CACNG4: variants seen among roughly 807,000 people sequenced by gnomAD.
The protein encoded by CACNG4 is voltage-dependent calcium channel gamma-4 subunit.
CACNG4 carries 8 observed loss-of-function variants against 22.9 expected under a neutral mutation model. The observed-to-expected ratio is 0.35, with a 90% CI of 0.21 to 0.63. The LOEUF is 0.63. Ranked by LOEUF, CACNG4 falls within the 30% of genes least tolerant of loss-of-function variation. The probability of loss-of-function intolerance (pLI) is 0.72; values close to 1 mark genes in which losing one functional copy is unlikely to be tolerated. For missense variants in CACNG4, 357 were observed against 455.4 expected (o/e 0.78, Z 1.97); for synonymous variants, 188 against 191.9 (o/e 0.98, Z 0.17).
chr17:66,975,456 A>T (rs1426722850), intron 1 of CACNG4, among the ~76,000 whole-genome samples: 1 of 152,220 alleles, frequency 6.6e-6, no homozygotes. Flanking sequence ...TTTGTTGTTC[A>T]GAGAGCAATT....
chr17:66,995,704 G>T (rs541838136), intron 1 of CACNG4, among the ~76,000 whole-genome samples: 2 of 152,234 alleles, frequency 1.3e-5, no homozygotes, highest in Admixed American at 1.3e-4. Flanking sequence ...ACAAAAATTA[G>T]CTGGGTGTGA....
chr17:67,005,315 A>C (rs1285756899), intron 1 of CACNG4, among the ~76,000 whole-genome samples: 1 of 152,152 alleles, frequency 6.6e-6, no homozygotes, highest in East Asian at 1.9e-4. Context: ...CCATGGGGGA[A>C]GTTCTGTGTG....
intron 1 of CACNG4, among the ~76,000 whole-genome samples, chr17:67,016,132 C>T (rs1460256096): frequency 6.6e-6 from 1 of 152,194 alleles, no homozygotes; most frequent in African/African-American, 2.4e-5. Flanking sequence ...GAGCCACCAC[C>T]ATGGGCCCGG....
rs2035511660 is a variant in CACNG4 at position 67,018,187 on chromosome 17, A to C, written c.221-2A>C. 6.2e-7 allele frequency: 1 copy of C among 1,611,844 alleles called. No individual in the cohort carries two copies. The highest frequency in any genetic ancestry group is 8.5e-7 in the Non-Finnish European group (1 of 1,178,054). On this transcript the variant is annotated splice_acceptor_variant, in intron 1 of 3. Coordinates refer to ENST00000262138, the MANE Select transcript of CACNG4 (RefSeq NM_014405.4). LOFTEE classifies it high-confidence loss of function. ...GTGTTCTTTTCCTCTCGTTCCTTCC[A>C]GGGATCTATAAAGGGCACTGCTTCC...
intron 1 of CACNG4, among the ~76,000 whole-genome samples, chr17:66,994,998 C>G (rs907048246): frequency 5.9e-5 from 9 of 152,074 alleles, no homozygotes; most frequent in African/African-American, 2.2e-4. Context: ...AAAGAAAGAT[C>G]CATCTCAGAT....
At chr17:66,967,839 G>A (rs566520950) in intron 1 of CACNG4, among the ~76,000 whole-genome samples, 5 of 152,270 alleles carry the variant, frequency 3.3e-5, no homozygotes, top group East Asian at 1.9e-4. Flanking sequence ...TGATGTTGCC[G>A]GGCCAGGAAG....
intron 1 of CACNG4, among the ~76,000 whole-genome samples, chr17:66,966,538 G>T (rs2035172264): frequency 6.6e-6 from 1 of 152,076 alleles, no homozygotes; most frequent in African/African-American, 2.4e-5. Context: ...TTTTCTGGCC[G>T]CATTTGAAGT....
At chr17:67,018,164 G>A in intron 1 of CACNG4, 25 bp from the exon 2 acceptor site, 1 of 1,576,894 alleles carries the variant, frequency 6.3e-7, no homozygotes, top group Non-Finnish European at 8.7e-7. Flanking sequence ...CATTTACAGT[G>A]TTCTTTTCCT....
intron 1 of CACNG4, among the ~76,000 whole-genome samples, chr17:66,982,308 C>T (rs908192662): frequency 4.6e-5 from 7 of 152,234 alleles, no homozygotes; most frequent in African/African-American, 1.7e-4. Flanking sequence ...TTGATTGGTT[C>T]GTTTTACAGA....
At chr17:67,017,033 A>G (rs928942205) in intron 1 of CACNG4, among the ~76,000 whole-genome samples, 3 of 152,094 alleles carry the variant, frequency 2.0e-5, no homozygotes, top group Admixed American at 6.6e-5. Flanking sequence ...GGGGATTGGA[A>G]TCTGCACCAG....
Position 66,984,445 on chromosome 17 carries a change from C to T in CACNG4, c.220+19314C>T, listed in dbSNP as rs971772366. Among the ~76,000 whole-genome samples, 1 of 152,132 alleles carries T rather than the reference C, an allele frequency of 6.6e-6. No individual in the cohort carries two copies. The highest frequency in any genetic ancestry group is 1.5e-5 in the Non-Finnish European group (1 of 68,026). On this transcript the variant is annotated intron_variant, in intron 1 of 3. Coordinates refer to ENST00000262138, the MANE Select transcript of CACNG4 (RefSeq NM_014405.4). This position sits in a 1 kb window ranked among gnomAD's most constrained non-coding sequence, Gnocchi z 4.0. ...CAGATGGCCTGCCACCAGCCTGCAC[C>T]CGCCCCCATTCATCCCCAACTGCTG...
chr17:67,022,194 C>G (rs556009437), intron 2 of CACNG4, among the ~76,000 whole-genome samples: 1 of 152,012 alleles, frequency 6.6e-6, no homozygotes, highest in Non-Finnish European at 1.5e-5. Context: ...TGTGCCTCAG[C>G]CTCCTGAATC....
At chr17:67,023,715 G>A (rs1437531731) in intron 2 of CACNG4, among the ~76,000 whole-genome samples, 1 of 151,930 alleles carries the variant, frequency 6.6e-6, no homozygotes, top group East Asian at 1.9e-4. Context: ...GGGATTACAG[G>A]AGCCCACCAC....
intron 1 of CACNG4, among the ~76,000 whole-genome samples, chr17:67,009,590 A>G (rs753935683): frequency 7.2e-5 from 11 of 152,216 alleles, no homozygotes; most frequent in Non-Finnish European, 1.0e-4. Context: ...GTGTATCTGT[A>G]GTATATAACA....
intron 1 of CACNG4, among the ~76,000 whole-genome samples, chr17:66,981,880 A>G (rs2035276404): frequency 6.6e-6 from 1 of 152,218 alleles, no homozygotes; most frequent in Non-Finnish European, 1.5e-5. Context: ...TTAATTACTT[A>G]ACTATGATTT....
intron 1 of CACNG4, among the ~76,000 whole-genome samples, chr17:66,971,802 T>G (rs2035206484): frequency 6.6e-6 from 1 of 152,116 alleles, no homozygotes; most frequent in Admixed American, 6.5e-5. Context: ...GGTCAGGGGT[T>G]GGGCTGGGGA....
At chr17:67,023,270 CTTTTTTTTTTTT>C (rs3043068) in intron 2 of CACNG4, among the ~76,000 whole-genome samples, 5 of 79,784 alleles carry the variant, frequency 6.3e-5, no homozygotes, top group African/African-American at 2.0e-4. Context: ...AAGACCTCTT[CTTTTTTTTTTTT>C]TTTTTTTTTT....
At position 67,032,155 on chromosome 17, in the gene CACNG4, G is replaced by A; in HGVS notation, c.*1151G>A. On this transcript the variant is annotated 3_prime_UTR_variant, in exon 4 of 4. Coordinates refer to ENST00000262138, the MANE Select transcript of CACNG4 (RefSeq NM_014405.4). ...TGCCACCACCTAACAGGACGGAGTG[G>A]AGTGAGTTTGGATAAACGGACCGAG... 1 of 375,616 alleles carries A rather than the reference G, an allele frequency of 2.7e-6. No homozygotes were observed. The highest frequency in any genetic ancestry group is 3.4e-5 in the Admixed American group (1 of 29,490). The allele number at this position is 375,616 out of a possible 1,614,324, so 23.3% of individuals were successfully genotyped here. A position where few individuals can be genotyped will look rare whatever the true frequency, so the allele number is the denominator to read the frequency against.
intron 1 of CACNG4, among the ~76,000 whole-genome samples, chr17:66,971,037 G>A (rs1389313885): frequency 2.0e-5 from 3 of 152,234 alleles, no homozygotes. Flanking sequence ...GGAAGCCACA[G>A]CTAAACTGGA....
Sources: gnomAD v4.1 joint callset for allele counts (sites outside exome capture counted in the v4.1 genomes callset) on GRCh38, gnomAD v4.1.1 for gene constraint, Gnocchi (gnomAD v3.1) non-coding constraint, MANE v1.5 for transcripts, NCBI Gene and HGNC (gene_info 2026-07-23, HGNC 2026-07-21) for gene names.